Variants in PAPSS2 observed in about 807,000 individuals in gnomAD.
The protein encoded by PAPSS2 is 3'-phosphoadenosine 5'-phosphosulfate synthase 2.
In PAPSS2, 61 loss-of-function variants were observed where a neutral mutation model predicts 66.5. That is an observed-to-expected ratio of 0.92 (90% CI 0.75 to 1.14). The LOEUF (loss-of-function observed/expected upper bound fraction) is 1.14. Among genes scored for constraint, PAPSS2 ranks in the 50% most tolerant of loss-of-function variants. The probability of loss-of-function intolerance (pLI) is 0.00; values close to 1 mark genes in which losing one functional copy is unlikely to be tolerated. For missense variants in PAPSS2, 708 were observed against 789.6 expected, an observed-to-expected ratio of 0.90 and a Z score of 1.24; for synonymous variants, 289 against 287.5, an observed-to-expected ratio of 1.01 and a Z score of -0.05.
intron 1 of PAPSS2, among the ~76,000 whole-genome samples, chr10:87,708,300 C>G (rs1354202376): frequency 6.6e-6 from 1 of 152,112 alleles, no homozygotes. Flanking sequence ...TTCTGCTGGG[C>G]TTTTTGAAAG....
At chr10:87,733,933 C>T (rs1589441639) in intron 9 of PAPSS2, among the ~76,000 whole-genome samples, 1 of 152,000 alleles carries the variant, frequency 6.6e-6, no homozygotes, top group South Asian at 2.1e-4. Context: ...TCTTGCTTCT[C>T]TCTTCTCCCC....
intron 1 of PAPSS2, among the ~76,000 whole-genome samples, chr10:87,681,715 A>T (rs1853023666): frequency 6.6e-6 from 1 of 152,102 alleles, no homozygotes; most frequent in African/African-American, 2.4e-5. Context: ...TTCCTACTCC[A>T]AGTTCCGAGA....
intron 8 of PAPSS2, among the ~76,000 whole-genome samples, chr10:87,725,873 AT>A (rs781275453): frequency 9.3e-5 from 13 of 140,246 alleles, no homozygotes; most frequent in South Asian, 2.6e-4. Flanking sequence ...TTTAAAAAAA[AT>A]ATGTGTGTAT....
At chr10:87,671,773 A>T (rs2131897033) in intron 1 of PAPSS2, among the ~76,000 whole-genome samples, 1 of 152,324 alleles carries the variant, frequency 6.6e-6, no homozygotes, top group Non-Finnish European at 1.5e-5. Flanking sequence ...TGAGAAAAAA[A>T]TATAAAGAAA....
chr10:87,670,401 T>C (rs1031125493), intron 1 of PAPSS2, among the ~76,000 whole-genome samples: 1 of 152,218 alleles, frequency 6.6e-6, no homozygotes, highest in African/African-American at 2.4e-5. Context: ...AATCATGGGA[T>C]TGTAAAAGGT....
At position 87,727,267 on chromosome 10, in the gene PAPSS2, C is replaced by T. The variant is rs769771964; in HGVS notation, c.881-17C>T. 2 of 1,609,524 alleles carry T rather than the reference C, an allele frequency of 1.2e-6. No individual in the cohort carries two copies. The highest frequency in any genetic ancestry group is 1.1e-5 in the South Asian group (1 of 90,950). ...CCTTATATCTAGTTTTCGTGCATCA[C>T]ATGGCTCTTTCCACAGATGGCGTGA... is the stretch of plus-strand genomic sequence containing the variant. On this transcript the variant is annotated splice_polypyrimidine_tract_variant and intron_variant, in intron 8 of 12. Transcript: ENST00000456849.
At position 87,743,541 on chromosome 10, in the gene PAPSS2, T is replaced by G. The variant is rs1589445195; in HGVS notation, c.1391T>G (p.Met464Arg). ...GACGATGTGCCTCTAGACTGGCGGA[T>G]GAAGCAGCACGCGGCTGTGCTCGAG... ...KDDDVPLDWRMKQHAAVLEEG... is the reference protein window; with the variant it reads ...KDDDVPLDWRRKQHAAVLEEG... The change falls in exon 11 of 13, where the codon ATG becomes AGG. Residue 464 changes from methionine (M) to arginine (R), a missense_variant. Transcript: ENST00000456849. 1.2e-6 allele frequency: 2 copies of G among 1,614,020 alleles called. No homozygotes were observed. Among genetic ancestry groups the G allele is most frequent in the Non-Finnish European group, 8.5e-7 (1 of 1,180,014 alleles).
chr10:87,727,984 G>A (rs1853681479), intron 9 of PAPSS2, among the ~76,000 whole-genome samples: 1 of 152,154 alleles, frequency 6.6e-6, no homozygotes, highest in African/African-American at 2.4e-5. Context: ...TACTCTCTTA[G>A]TAAACAAAAA....
At chr10:87,661,774 A>C (rs1852755904) in intron 1 of PAPSS2, among the ~76,000 whole-genome samples, 1 of 152,152 alleles carries the variant, frequency 6.6e-6, no homozygotes, top group Non-Finnish European at 1.5e-5. Flanking sequence ...ATTTTTTGTT[A>C]GGTGGGTGTA....
At chr10:87,738,315 A>T (rs1189999702) in intron 9 of PAPSS2, among the ~76,000 whole-genome samples, 1 of 152,138 alleles carries the variant, frequency 6.6e-6, no homozygotes, top group Non-Finnish European at 1.5e-5. Context: ...TAGTGGTTGC[A>T]CCTTTTACAA....
chr10:87,675,793 G>A (rs764889952), intron 1 of PAPSS2, among the ~76,000 whole-genome samples: 23 of 152,030 alleles, frequency 1.5e-4, no homozygotes, highest in Non-Finnish European at 2.8e-4. Context: ...ATCTGTGTTG[G>A]GGAATGGAGG....
intron 7 of PAPSS2, among the ~76,000 whole-genome samples, chr10:87,716,605 C>A (rs115720751): frequency 0.028 from 4,198 of 152,170 alleles, 195 homozygotes; most frequent in African/African-American, 0.096. Flanking sequence ...GGGCTCCAAG[C>A]CTTTTAGGAA....
chr10:87,746,115 AAAT>A lies in PAPSS2; in HGVS notation c.*147_*149del. 2 of 623,176 alleles carry A rather than the reference AAAT, an allele frequency of 3.2e-6. No homozygotes were observed. Among genetic ancestry groups the A allele is most frequent in the East Asian group, 3.2e-5 (1 of 31,558 alleles). The allele number at this position is 623,176 out of a possible 1,614,324, so 38.6% of individuals were successfully genotyped here. Reference sequence around the variant, plus strand: ...AAAAGTTGTGTCTATAATTAAAAAAAAATATATATATATACACACACACATATA... The same window carrying A: ...AAAAGTTGTGTCTATAATTAAAAAAAATATATATATACACACACACATATA... On this transcript the variant is annotated 3_prime_UTR_variant, in exon 13 of 13. Coordinates refer to ENST00000456849, the MANE Select transcript of PAPSS2 (RefSeq NM_001015880.2).
In PAPSS2 at chr10:87,727,332, A is replaced by C; in HGVS notation, c.929A>C (p.Glu310Ala). Reference sequence around the variant, plus strand: ...CCCATTGTACTGCCCGTCTCTGCAGAGGATAAGACACGGCTGGAAGGGTGC... The same window carrying C: ...CCCATTGTACTGCCCGTCTCTGCAGCGGATAAGACACGGCTGGAAGGGTGC... Reference protein sequence around the residue: ...SIPIVLPVSAEDKTRLEGCSK... With the variant: ...SIPIVLPVSAADKTRLEGCSK... Residue 310 changes from glutamate (E) to alanine (A), a missense_variant, in exon 9 of 13, where the codon GAG (glutamate) becomes GCG (alanine). Transcript: ENST00000456849. The C allele has an allele frequency of 6.8e-6, 11 of 1,614,056 alleles. No homozygotes were observed. The highest frequency in any genetic ancestry group is 9.3e-6 in the Non-Finnish European group (11 of 1,179,996).
Position 87,719,724 on chromosome 10 carries a change from C to T in PAPSS2, c.866-2032C>T, listed in dbSNP as rs113466664. ...GCCAACAGATATACACTGAGTGCCCCCCATGTGCCAGGGTTTTTCTAGCGT... is the reference window on the plus strand; with the variant it reads ...GCCAACAGATATACACTGAGTGCCCTCCATGTGCCAGGGTTTTTCTAGCGT... On this transcript the variant is annotated intron_variant, in intron 7 of 12. Coordinates refer to ENST00000456849, the MANE Select transcript of PAPSS2 (RefSeq NM_001015880.2). 9.9e-4 allele frequency among the ~76,000 whole-genome samples: 151 copies of T among 152,142 alleles called. 1 individual carries two copies. The highest frequency in any genetic ancestry group is 3.4e-3 in the Middle Eastern group (1 of 294).
intron 9 of PAPSS2, among the ~76,000 whole-genome samples, chr10:87,733,511 A>G (rs191698470): frequency 3.9e-5 from 6 of 152,368 alleles, no homozygotes; most frequent in Non-Finnish European, 8.8e-5. Context: ...AGAGAACAGA[A>G]TATGACTTCT....
rs370341371 is a variant in PAPSS2, at chr10:87,715,761, C to T, written c.783C>T (p.Ser261=). The T allele has an allele frequency of 1.9e-4, 301 of 1,613,110 alleles. No homozygotes were observed. Among genetic ancestry groups the T allele is most frequent in the Non-Finnish European group, 2.5e-4 (290 of 1,179,218 alleles). The change falls in exon 7 of 13, where the codon AGC becomes AGT. Residue 261 remains serine, a synonymous_variant. Transcript: ENST00000456849. ...ATCTCCAGTGGGTCCAGGTTTTGAG[C>T]GAAGGCTGGGCCACTCCCCTCAAAG... The part of the protein sequence containing the change: ...KLDLQWVQVL[S]EGWATPLKGF...
At chr10:87,666,715 G>A (rs183350603) in intron 1 of PAPSS2, among the ~76,000 whole-genome samples, 10 of 152,194 alleles carry the variant, frequency 6.6e-5, no homozygotes, top group East Asian at 1.9e-4. Context: ...CCCTGAGGCC[G>A]TTTTGTTGCT....
chr10:87,721,912 G>A (rs1216510973), intron 8 of PAPSS2, 142 bp downstream of exon 8: 23 of 592,272 alleles, frequency 3.9e-5, no homozygotes, highest in Middle Eastern at 4.5e-4. Context: ...ACCAGCTATA[G>A]TAGAATAACA....
Sources: allele counts gnomAD v4.1 joint callset (sites outside exome capture counted in the v4.1 genomes callset), GRCh38; gene constraint gnomAD v4.1.1; transcripts MANE v1.5; gene names NCBI Gene and HGNC (gene_info 2026-07-23, HGNC 2026-07-21).